The following LRRTM3 variants were observed in gnomAD, a reference collection of about 807,000 sequenced individuals.
LRRTM3 encodes the protein leucine-rich repeat transmembrane neuronal protein 3.
In LRRTM3, 24 loss-of-function variants were observed where a neutral mutation model predicts 44.7. The ratio of observed to expected loss-of-function variants is 0.54; its 90% CI spans 0.39 to 0.76. LRRTM3 has a LOEUF of 0.76. Ranked by LOEUF, LRRTM3 falls within the 30% of genes least tolerant of loss-of-function variation. The pLI, the probability that LRRTM3 is intolerant of heterozygous loss-of-function variation, is 0.00. For synonymous variants in LRRTM3, 277 were observed against 278.7 expected, an observed-to-expected ratio of 0.99 and a Z score of 0.06; for missense variants, 587 against 702.2, an observed-to-expected ratio of 0.84 and a Z score of 1.85.
intron 2 of LRRTM3, among the ~76,000 whole-genome samples, chr10:66,928,975 G>T (rs567005944): frequency 6.6e-6 from 1 of 152,144 alleles, no homozygotes; most frequent in Non-Finnish European, 1.5e-5. Context: ...ACTTAGAAAA[G>T]AAAATTGCAG....
intron 2 of LRRTM3, among the ~76,000 whole-genome samples, chr10:66,987,276 T>C (rs1472112587): frequency 6.6e-6 from 1 of 152,136 alleles, no homozygotes; most frequent in Non-Finnish European, 1.5e-5. Flanking sequence ...ATTGACATTG[T>C]AACAGGGGAG....
chr10:67,101,217 A>G lies in LRRTM3; in HGVS notation c.*3421A>G, dbSNP rs1452783171. Reference sequence around the variant, plus strand: ...ACATAAAATCAAGGAAGCACAAGGAAAGAAACCCCAAGGAAAAAACCAAAG... The same window carrying G: ...ACATAAAATCAAGGAAGCACAAGGAGAGAAACCCCAAGGAAAAAACCAAAG... On this transcript the variant is annotated 3_prime_UTR_variant, in exon 3 of 3. Coordinates refer to ENST00000361320, the MANE Select transcript of LRRTM3 (RefSeq NM_178011.5). Among the ~76,000 whole-genome samples, 1 of 151,732 alleles carries G rather than the reference A, an allele frequency of 6.6e-6. No homozygotes were observed. The highest frequency in any genetic ancestry group is 1.9e-4 in the East Asian group (1 of 5,156).
chr10:66,999,309 C>T (rs988038835), intron 2 of LRRTM3, among the ~76,000 whole-genome samples: 1 of 151,986 alleles, frequency 6.6e-6, no homozygotes, highest in Non-Finnish European at 1.5e-5. Context: ...ATTGCTAAAT[C>T]GACACTGGAA....
At chr10:67,064,290 G>A (rs1855935015) in intron 2 of LRRTM3, among the ~76,000 whole-genome samples, 1 of 152,046 alleles carries the variant, frequency 6.6e-6, no homozygotes, top group Non-Finnish European at 1.5e-5. Context: ...GCTACACTAT[G>A]TATTAGCATT....
At chr10:67,082,291 G>T (rs1857094442) in intron 2 of LRRTM3, among the ~76,000 whole-genome samples, 1 of 152,080 alleles carries the variant, frequency 6.6e-6, no homozygotes, top group African/African-American at 2.4e-5. Flanking sequence ...GTCCATCTGT[G>T]CTTTCTTCTC....
intron 2 of LRRTM3, among the ~76,000 whole-genome samples, chr10:67,075,341 G>A (rs1447712753): frequency 6.6e-6 from 1 of 152,056 alleles, no homozygotes; most frequent in Non-Finnish European, 1.5e-5. Flanking sequence ...ACAAGAACAA[G>A]TATTTCATTC....
intron 2 of LRRTM3, among the ~76,000 whole-genome samples, chr10:66,945,735 G>A (rs1564786348): frequency 6.6e-6 from 1 of 152,106 alleles, no homozygotes; most frequent in Non-Finnish European, 1.5e-5. Flanking sequence ...GATTTCAAGT[G>A]AGATAAATGT....
chr10:66,938,482 T>C (rs1382209712), intron 2 of LRRTM3, among the ~76,000 whole-genome samples: 4 of 152,140 alleles, frequency 2.6e-5, no homozygotes, highest in Non-Finnish European at 5.9e-5. Context: ...AAAGAAAATA[T>C]ATTTATTATT....
At chr10:66,938,907 C>A (rs1456548316) in intron 2 of LRRTM3, among the ~76,000 whole-genome samples, 3 of 152,128 alleles carry the variant, frequency 2.0e-5, no homozygotes, top group African/African-American at 7.2e-5. Flanking sequence ...TGTTTAAAAG[C>A]CATACATTTG....
intron 2 of LRRTM3, among the ~76,000 whole-genome samples, chr10:67,072,025 G>A (rs1220093900): frequency 2.0e-5 from 3 of 152,064 alleles, no homozygotes; most frequent in Non-Finnish European, 4.4e-5. Context: ...CGATCTCAGC[G>A]CACTGCAATC....
chr10:66,973,393 C>T (rs1216007851), intron 2 of LRRTM3, among the ~76,000 whole-genome samples: 2 of 152,042 alleles, frequency 1.3e-5, no homozygotes, highest in Admixed American at 6.6e-5. Context: ...TTTGTATTAA[C>T]AAATGACAAG....
chr10:66,961,192 T>C (rs1849092154), intron 2 of LRRTM3, among the ~76,000 whole-genome samples: 1 of 152,222 alleles, frequency 6.6e-6, no homozygotes, highest in Non-Finnish European at 1.5e-5. Flanking sequence ...ATAATACCTG[T>C]AGTCTATTAT....
intron 2 of LRRTM3, among the ~76,000 whole-genome samples, chr10:66,933,339 C>T (rs1426965278): frequency 6.6e-6 from 1 of 152,132 alleles, no homozygotes; most frequent in Non-Finnish European, 1.5e-5. Context: ...AAGACACCGA[C>T]CAGCGAACAC....
intron 2 of LRRTM3, among the ~76,000 whole-genome samples, chr10:66,945,010 A>G (rs1312389828): frequency 6.6e-6 from 1 of 152,180 alleles, no homozygotes; most frequent in African/African-American, 2.4e-5. Context: ...GAGTTGATTT[A>G]GCATCATTCT....
At chr10:66,997,748 G>T (rs527856608) in intron 2 of LRRTM3, among the ~76,000 whole-genome samples, 84 of 152,124 alleles carry the variant, frequency 5.5e-4, no homozygotes, top group African/African-American at 2.0e-3. Flanking sequence ...TAAGAGAATT[G>T]TTCCCCAGGC....
rs1322884423 is a variant in LRRTM3, at chr10:66,927,082, C to A, written c.166C>A (p.Pro56Thr). The change falls in exon 2 of 3, where the codon CCC becomes ACC. Residue 56 changes from proline to threonine, a missense_variant. By Grantham distance (38) the Pro-to-Thr change is conservative. Transcript: ENST00000361320. This position sits in a 1 kb window ranked among gnomAD's most constrained non-coding sequence, Gnocchi z 4.7. ...YCESQKLQEI[P>T]SSISAGCLGL... Reference sequence around the variant, plus strand: ...TGAATCTCAGAAATTACAGGAGATACCCTCAAGTATATCTGCTGGTTGCTT... The same window carrying A: ...TGAATCTCAGAAATTACAGGAGATAACCTCAAGTATATCTGCTGGTTGCTT... The A allele has an allele frequency of 6.2e-7, 1 of 1,614,166 alleles. No individual in the cohort carries two copies. Among genetic ancestry groups the A allele is most frequent in the Non-Finnish European group, 8.5e-7 (1 of 1,180,036 alleles).
chr10:66,959,189 G>A (rs1453693925), intron 2 of LRRTM3, among the ~76,000 whole-genome samples: 2 of 152,168 alleles, frequency 1.3e-5, no homozygotes. Flanking sequence ...TAATGCAGCA[G>A]ATTCAACTTT....
chr10:67,058,457 A>T (rs1260242647), intron 2 of LRRTM3, among the ~76,000 whole-genome samples: 1 of 152,244 alleles, frequency 6.6e-6, no homozygotes, highest in Non-Finnish European at 1.5e-5. Flanking sequence ...GCAGTAAATT[A>T]GCAGTAAACA....
At chr10:67,032,269 T>C (rs1328831544) in intron 2 of LRRTM3, among the ~76,000 whole-genome samples, 8 of 152,172 alleles carry the variant, frequency 5.3e-5, no homozygotes, top group Admixed American at 3.9e-4. Context: ...TTCATTGCTT[T>C]TTTTTTGTTT....
Sources: gnomAD v4.1 joint callset for allele counts (sites outside exome capture counted in the v4.1 genomes callset) on GRCh38, gnomAD v4.1.1 for gene constraint, Gnocchi (gnomAD v3.1) non-coding constraint, MANE v1.5 for transcripts, NCBI Gene and HGNC (gene_info 2026-07-23, HGNC 2026-07-21) for gene names.